Variants in SHROOM2 observed in about 807,000 individuals in gnomAD.
The protein encoded by SHROOM2 is protein Shroom2.
Under a neutral mutation model 75.9 loss-of-function variants are expected in SHROOM2, and 33 were observed. That is an observed-to-expected ratio of 0.43 (90% CI 0.33 to 0.58). The LOEUF is 0.58. Ranked by LOEUF, SHROOM2 falls within the 20% of genes least tolerant of loss-of-function variation. The probability of loss-of-function intolerance (pLI) is 0.04; values close to 1 mark genes in which losing one functional copy is unlikely to be tolerated. For synonymous variants in SHROOM2, 655 were observed against 663.6 expected (o/e 0.99, Z 0.20); for missense variants, 1,434 against 1,461.2 (o/e 0.98, Z 0.30).
intron 1 of SHROOM2, among the ~76,000 whole-genome samples, chrX:9,854,234 A>G (rs2084054885): frequency 8.8e-6 from 1 of 113,014 alleles, no homozygotes; most frequent in Non-Finnish European, 1.9e-5. Flanking sequence ...CAGTTACATC[A>G]TAAAAAGAAG....
rs750283046 is a variant in SHROOM2, at chrX:9,894,925, G to A, written c.1017G>A (p.Val339=). Residue 339 remains valine, a synonymous_variant, in exon 4 of 10, where the codon GTG becomes GTA. Transcript: ENST00000380913. ...TKSHEKAQGP[V]FSEAAAAQHF... ...GCCACGAGAAGGCCCAGGGCCCTGTGTTCTCAGAGGCGGCTGCGGCACAGC... is the reference window on the plus strand; with the variant it reads ...GCCACGAGAAGGCCCAGGGCCCTGTATTCTCAGAGGCGGCTGCGGCACAGC... The A allele has an allele frequency of 1.3e-5, 16 of 1,209,638 alleles. No individual in the cohort carries two copies. The highest frequency in any genetic ancestry group is 1.7e-5 in the Non-Finnish European group (15 of 895,026).
chrX:9,839,590 G>A (rs1395411123), intron 1 of SHROOM2, among the ~76,000 whole-genome samples: 1 of 111,260 alleles, frequency 9.0e-6, no homozygotes, highest in African/African-American at 3.3e-5. Context: ...ACATTTTCTG[G>A]ACTTGTATGT....
At chrX:9,915,085 A>G (rs1285540935) in intron 5 of SHROOM2, among the ~76,000 whole-genome samples, 4 of 111,921 alleles carry the variant, frequency 3.6e-5, no homozygotes, top group Non-Finnish European at 5.6e-5. Flanking sequence ...CTGACCCTCC[A>G]TTTCTTCATC....
At chrX:9,873,911 G>A in intron 2 of SHROOM2, 108 bp downstream of exon 2, 1 of 835,265 alleles carries the variant, frequency 1.2e-6, no homozygotes, top group South Asian at 2.7e-5. Context: ...ATCTCGATTG[G>A]GACATGCACT....
At chrX:9,798,991 C>T (rs1452322728) in intron 1 of SHROOM2, among the ~76,000 whole-genome samples, 1 of 110,143 alleles carries the variant, frequency 9.1e-6, no homozygotes, top group Non-Finnish European at 1.9e-5. Flanking sequence ...GGAGCCATTT[C>T]CACTCCCCCT....
At chrX:9,795,137 G>C (rs1347488164) in intron 1 of SHROOM2, among the ~76,000 whole-genome samples, 2 of 104,332 alleles carry the variant, frequency 1.9e-5, no homozygotes, top group Admixed American at 1.0e-4. Flanking sequence ...TGAAGAGACA[G>C]GGTCTTGCTG....
At chrX:9,802,192 T>A (rs1434878506) in intron 1 of SHROOM2, among the ~76,000 whole-genome samples, 1 of 109,392 alleles carries the variant, frequency 9.1e-6, no homozygotes, top group Non-Finnish European at 1.9e-5. Flanking sequence ...CTCGGCCTCC[T>A]GATGCCATTG....
chrX:9,914,909 C>A (rs1051832754), intron 5 of SHROOM2, among the ~76,000 whole-genome samples: 2 of 111,566 alleles, frequency 1.8e-5, no homozygotes, highest in Admixed American at 9.6e-5. Context: ...CCTAGTTATT[C>A]TCTTAGTAAC....
chrX:9,917,978 A>C (rs2084506201), intron 5 of SHROOM2, among the ~76,000 whole-genome samples: 1 of 111,978 alleles, frequency 8.9e-6, no homozygotes, highest in South Asian at 3.7e-4. Flanking sequence ...TGTGGAGTGG[A>C]GCTGGGGCTG....
chrX:9,946,912 G>A lies in SHROOM2; in HGVS notation c.4826G>A (p.Ser1609Asn). 8.4e-7 allele frequency: 1 copy of A among 1,197,355 alleles called. No homozygotes were observed. Residue 1609 changes from serine (S) to asparagine (N), a missense_variant, in exon 10 of 10, where the codon AGC becomes AAC. By Grantham distance (46) the Ser-to-Asn change is conservative (BLOSUM62 1). Transcript: ENST00000380913. ...GEEQLKCLLDSLQPERGK is the reference protein window; with the variant it reads ...GEEQLKCLLDNLQPERGK Reference sequence around the variant, plus strand: ...GAGCAGCTGAAGTGCTTATTGGACAGCCTTCAGCCCGAAAGGGGCAAATAA... The same window carrying A: ...GAGCAGCTGAAGTGCTTATTGGACAACCTTCAGCCCGAAAGGGGCAAATAA...
At chrX:9,921,389 A>G (rs888148366) in intron 5 of SHROOM2, among the ~76,000 whole-genome samples, 2 of 111,899 alleles carry the variant, frequency 1.8e-5, no homozygotes, top group African/African-American at 6.5e-5. Flanking sequence ...AGCCTGTGAA[A>G]TCATCACCAC....
At chrX:9,816,761 C>T (rs1333944551) in intron 1 of SHROOM2, among the ~76,000 whole-genome samples, 1 of 110,720 alleles carries the variant, frequency 9.0e-6, no homozygotes, top group African/African-American at 3.3e-5. Context: ...GAGCTGCTCT[C>T]TTGTCATTTC....
intron 1 of SHROOM2, among the ~76,000 whole-genome samples, chrX:9,789,135 A>G (rs893944768): frequency 8.9e-6 from 1 of 111,745 alleles, no homozygotes; most frequent in Non-Finnish European, 1.9e-5. Context: ...AAACTCAAAC[A>G]AATACTTGCT....
At chrX:9,860,319 C>T (rs748838937) in intron 1 of SHROOM2, among the ~76,000 whole-genome samples, 5 of 112,058 alleles carry the variant, frequency 4.5e-5, no homozygotes, top group Admixed American at 9.5e-5. Context: ...GGTAAAATAA[C>T]CCATTTGTAG....
intron 3 of SHROOM2, among the ~76,000 whole-genome samples, chrX:9,892,779 G>A (rs1031607697): frequency 5.3e-5 from 6 of 112,267 alleles, no homozygotes; most frequent in African/African-American, 1.9e-4. Context: ...CCAGTGTTCT[G>A]TCCTGGTCAC....
chrX:9,929,358 G>A (rs1030636431), intron 5 of SHROOM2, among the ~76,000 whole-genome samples: 2 of 111,623 alleles, frequency 1.8e-5, no homozygotes, highest in African/African-American at 6.6e-5. Context: ...GCTGGAGCGC[G>A]CCCCGTGCTG....
rs769154783 is a variant in SHROOM2 at position 9,880,573 on chromosome X, T to C, written c.317+6770T>C. The stretch of plus-strand genomic sequence containing the variant: ...ATAAAGGCGGAGTAAATGTCGCCTC[T>C]TCTTAGAACTGTCACCTCAAGCCCG... On this transcript the variant is annotated intron_variant, in intron 2 of 9. Transcript: ENST00000380913. Among the ~76,000 whole-genome samples, 256 of 112,700 alleles carry C rather than the reference T, an allele frequency of 2.3e-3. 1 individual carries two copies. The highest frequency in any genetic ancestry group is 0.014 in the Middle Eastern group (3 of 219).
At chrX:9,883,995 A>G (rs1308404621) in intron 2 of SHROOM2, among the ~76,000 whole-genome samples, 2 of 111,568 alleles carry the variant, frequency 1.8e-5, no homozygotes, top group African/African-American at 6.5e-5. Flanking sequence ...CTCTTCTTTC[A>G]AAACCTGCTC....
At chrX:9,904,670 T>G (rs1205689692) in intron 5 of SHROOM2, among the ~76,000 whole-genome samples, 3 of 112,386 alleles carry the variant, frequency 2.7e-5, no homozygotes, top group African/African-American at 9.7e-5. Context: ...TGGGCCGACC[T>G]TGGCTGCGTT....
Sources: allele counts gnomAD v4.1 joint callset (sites outside exome capture counted in the v4.1 genomes callset), GRCh38; gene constraint gnomAD v4.1.1; transcripts MANE v1.5; gene names NCBI Gene and HGNC (gene_info 2026-07-23, HGNC 2026-07-21).